The following GAPDH variants were observed in gnomAD, a reference collection of about 807,000 sequenced individuals.
The protein encoded by GAPDH is glyceraldehyde-3-phosphate dehydrogenase, also known as OCAS, p38 component.
Under a neutral mutation model 31.2 loss-of-function variants are expected in GAPDH, and 13 were observed. The ratio of observed to expected loss-of-function variants is 0.42; its 90% CI spans 0.27 to 0.66. GAPDH has a LOEUF of 0.66. GAPDH is among the 30% of genes least tolerant of loss of function. The pLI, the probability that GAPDH is intolerant of heterozygous loss-of-function variation, is 0.26. For missense variants in GAPDH, 300 were observed against 443.7 expected (o/e 0.68, Z 2.91); for synonymous variants, 211 against 166.9 (o/e 1.26, Z -2.04).
chr12:6,536,838 G>A, intron 4 of GAPDH, 48 bp downstream of exon 4: 1 of 1,579,312 alleles, frequency 6.3e-7, no homozygotes, highest in South Asian at 1.1e-5. Context: ...GAGGCAACTA[G>A]GATGGTGTGG....
intron 2 of GAPDH, chr12:6,535,428 C>T (rs553603774): frequency 4.0e-6 from 4 of 987,662 alleles, no homozygotes; most frequent in Admixed American, 6.0e-5. Context: ...CTAGCTGGCC[C>T]GATTTCTCCT....
intron 1 of GAPDH, 63 bp downstream of exon 1, chr12:6,534,632 G>C (rs965458683): frequency 6.5e-5 from 40 of 615,084 alleles, no homozygotes; most frequent in Admixed American, 5.8e-4. Flanking sequence ...AGGGGCGGGC[G>C]CAGGCCGGAT....
intron 2 of GAPDH, 25 bp downstream of exon 2, chr12:6,534,886 C>T (rs772741670): frequency 1.2e-6 from 2 of 1,610,692 alleles, no homozygotes; most frequent in Non-Finnish European, 1.7e-6. Context: ...GGCTGGGGGG[C>T]CCTGGGCTGC....
chr12:6,535,745 G>A (rs1237784359), intron 2 of GAPDH, among the ~76,000 whole-genome samples: 2 of 152,186 alleles, frequency 1.3e-5, no homozygotes. Context: ...GCGCCTCGGG[G>A]AACCTGCCCT....
chr12:6,534,975 C>G lies in GAPDH; in HGVS notation c.29+114C>G, dbSNP rs746570247. On this transcript the variant is annotated intron_variant, in intron 2 of 8. Transcript: ENST00000229239. ...GTATGGGGGCAGGGTAGCTGTTCCC[C>G]GCAAGGAGAGCTCAAGGTCAGCGCT... is the stretch of plus-strand genomic sequence containing the variant. The G allele has an allele frequency of 1.3e-4, 159 of 1,213,644 alleles. 1 individual carries two copies. In the Middle Eastern group the frequency reaches 6.8e-3, roughly 52 times the overall value. 75.2% of individuals were successfully genotyped at this position (1,213,644 alleles called of 1,614,324 possible).
chr12:6,536,221 CTG>C (rs1269735974), intron 2 of GAPDH, among the ~76,000 whole-genome samples: 1 of 152,230 alleles, frequency 6.6e-6, no homozygotes, highest in African/African-American at 2.4e-5. Context: ...TGTGCCCAGA[CTG>C]TGGGTGGCAG....
In GAPDH at chr12:6,536,554, T is replaced by A. The variant is rs1264481672; in HGVS notation, c.90T>A (p.Ile30=). 3.7e-6 allele frequency: 6 copies of A among 1,613,920 alleles called. No homozygotes were observed. The South Asian group carries it at 5.5e-5, about 15-fold the overall frequency. ...RAAFNSGKVD[I]VAINDPFIDL... is the part of the protein sequence containing the mutation. ...CTTTTAACTCTGGTAAAGTGGATAT[T>A]GTTGCCATCAATGACCCCTTCATTG... The change falls in exon 3 of 9, where the codon ATT becomes ATA. Residue 30 remains isoleucine (I), a synonymous_variant. Coordinates refer to ENST00000229239, the MANE Select transcript of GAPDH (RefSeq NM_002046.7).
Position 6,537,492 on chromosome 12 carries a change from G to C in GAPDH, c.526-92G>C. On this transcript the variant is annotated intron_variant, in intron 7 of 8. Transcript: ENST00000229239. This position sits in a 1 kb window ranked among gnomAD's most constrained non-coding sequence, Gnocchi z 4.9. ...GCAACCCTGGGGTTGGGGGTTCTGG[G>C]GACTGGCTTTCCCATAATTTCCTTT... 6.3e-7 allele frequency: 1 copy of C among 1,584,330 alleles called. No homozygotes were observed. The highest frequency in any genetic ancestry group is 1.3e-5 in the African/African-American group (1 of 74,388).
chr12:6,535,575 G>C (rs1946445752), intron 2 of GAPDH: 1 of 461,526 alleles, frequency 2.2e-6, no homozygotes. Flanking sequence ...GTCATGGGTA[G>C]TTGGAAAAGG....
rs888937653 is a variant in GAPDH at position 6,536,922 on chromosome 12, G to A, written c.239G>A (p.Arg80Gln). ...NGNPITIFQE[R>Q]DPSKIKWGDA... Reference sequence around the variant, plus strand: ...CCATCTCCCCCCCACCCCCATAGGCGAGATCCCTCCAAAATCAAGTGGGGC... The same window carrying A: ...CCATCTCCCCCCCACCCCCATAGGCAAGATCCCTCCAAAATCAAGTGGGGC... The change falls in exon 5 of 9, where the codon CGA (arginine) becomes CAA (glutamine). Residue 80 changes from arginine (R) to glutamine (Q), a missense_variant and splice_region_variant. By Grantham distance (43) the Arg-to-Gln change is conservative. Coordinates refer to ENST00000229239, the MANE Select transcript of GAPDH (RefSeq NM_002046.7). 17 of 1,578,326 alleles carry A rather than the reference G, an allele frequency of 1.1e-5. No homozygotes were observed. The highest frequency in any genetic ancestry group is 6.7e-5 in the South Asian group (6 of 90,188).
chr12:6,535,562 T>C, intron 2 of GAPDH: 1 of 546,694 alleles, frequency 1.8e-6, no homozygotes, highest in South Asian at 7.9e-5. Context: ...CGGGAGAAGC[T>C]GAGTCATGGG....
Position 6,537,521 on chromosome 12 carries a change from G to A in GAPDH, c.526-63G>A. 1.2e-5 allele frequency: 19 copies of A among 1,587,686 alleles called. No homozygotes were observed. The highest frequency in any genetic ancestry group is 1.7e-5 in the Admixed American group (1 of 58,486). Reference sequence around the variant, plus strand: ...TGGCTTTCCCATAATTTCCTTTCAAGGTGGGGAGGGAGGTAGAGGGGTGAT... The same window carrying A: ...TGGCTTTCCCATAATTTCCTTTCAAAGTGGGGAGGGAGGTAGAGGGGTGAT... On this transcript the variant is annotated intron_variant, in intron 7 of 8. Transcript: ENST00000229239. This position sits in a 1 kb window ranked among gnomAD's most constrained non-coding sequence, Gnocchi z 4.9.
rs926823751 is a variant in GAPDH, at chr12:6,537,066, A to G, written c.328-35A>G. Reference sequence around the variant, plus strand: ...GCTGACTCAGCCCTGCAAAGGCAGGACCCGGGTTCATAACTGTCTGCTTCT... The same window carrying G: ...GCTGACTCAGCCCTGCAAAGGCAGGGCCCGGGTTCATAACTGTCTGCTTCT... On this transcript the variant is annotated intron_variant, in intron 5 of 8. Transcript: ENST00000229239. The surrounding 1 kb of genome is among the most constrained non-coding windows in gnomAD (Gnocchi z 4.9). 3.1e-6 allele frequency: 5 copies of G among 1,604,118 alleles called. No homozygotes were observed. The African/African-American group carries it at 5.4e-5, about 17-fold the overall frequency.
At chr12:6,534,953 T>TG in intron 2 of GAPDH, 92 bp downstream of exon 2, 1 of 1,385,400 alleles carries the variant, frequency 7.2e-7, no homozygotes, top group Non-Finnish European at 1.0e-6. Context: ...TGCAGTCGTA[T>TG]GGGGGCAGGG....
At position 6,536,724 on chromosome 12, in the gene GAPDH, A is replaced by G; in HGVS notation, c.170A>G (p.His57Arg). The change falls in exon 4 of 9, where the codon CAT becomes CGT. Residue 57 changes from histidine to arginine, a missense_variant. Physicochemically the swap from His to Arg is conservative, Grantham distance 29. Transcript: ENST00000229239. ...FQYDSTHGKF[H>R]GTVKAENGKL... Reference sequence around the variant, plus strand: ...TATGATTCCACCCATGGCAAATTCCATGGCACCGTCAAGGCTGAGAACGGG... The same window carrying G: ...TATGATTCCACCCATGGCAAATTCCGTGGCACCGTCAAGGCTGAGAACGGG... 4 of 1,614,006 alleles carry G rather than the reference A, an allele frequency of 2.5e-6. No homozygotes were observed. The highest frequency in any genetic ancestry group is 3.4e-6 in the Non-Finnish European group (4 of 1,179,978).
chr12:6,535,182 T>C (rs943710231), intron 2 of GAPDH: 1 of 1,096,160 alleles, frequency 9.1e-7, no homozygotes, highest in South Asian at 2.8e-5. Flanking sequence ...CTCTGCGGGG[T>C]CACGTGTCGC....
chr12:6,535,003 G>A (rs868229918), intron 2 of GAPDH, 142 bp downstream of exon 2: 24 of 1,008,998 alleles, frequency 2.4e-5, no homozygotes, highest in Non-Finnish European at 3.0e-5. Context: ...TCAGCGCTCG[G>A]ACCTGGCGGA....
In GAPDH at chr12:6,537,456, C is replaced by T. The variant is rs182573972; in HGVS notation, c.525+66C>T. ...TCATCCAAGACTGGCTCCTCCCTGC[C>T]GGGGCTGCGTGCAACCCTGGGGTTG... On this transcript the variant is annotated intron_variant, in intron 7 of 8. Transcript: ENST00000229239. This position sits in a 1 kb window ranked among gnomAD's most constrained non-coding sequence, Gnocchi z 4.9. The T allele has an allele frequency of 1.7e-3, 2,682 of 1,583,378 alleles. 5 individuals are homozygous for T. Among genetic ancestry groups the T allele is most frequent in the Non-Finnish European group, 2.1e-3 (2,472 of 1,154,882 alleles).
rs1236237710 is a variant in GAPDH, at chr12:6,534,773, G to T, written c.-23-37G>T. 4.4e-6 allele frequency: 7 copies of T among 1,583,312 alleles called. No homozygotes were observed. In the South Asian group the frequency reaches 5.5e-5, roughly 12 times the overall value. Reference sequence around the variant, plus strand: ...GAGGGGAGGCGTGTGTGTCGGCCGGGGCCACTAGGCGCTCACTGTTCTCTC... The same window carrying T: ...GAGGGGAGGCGTGTGTGTCGGCCGGTGCCACTAGGCGCTCACTGTTCTCTC... On this transcript the variant is annotated intron_variant, in intron 1 of 8. Coordinates refer to ENST00000229239, the MANE Select transcript of GAPDH (RefSeq NM_002046.7).
Sources: allele counts gnomAD v4.1 joint callset (sites outside exome capture counted in the v4.1 genomes callset), GRCh38; gene constraint gnomAD v4.1.1; non-coding constraint Gnocchi (gnomAD v3.1); transcripts MANE v1.5; gene names NCBI Gene and HGNC (gene_info 2026-07-23, HGNC 2026-07-21).